NEK11: variants seen among roughly 807,000 people sequenced by gnomAD.
The protein encoded by NEK11 is NIMA related kinase 11, also known as serine/threonine-protein kinase Nek11.
NEK11 carries 72 observed loss-of-function variants against 80.7 expected under a neutral mutation model. That is an observed-to-expected ratio of 0.89 (90% CI 0.74 to 1.08). The LOEUF is 1.08. Ranked by LOEUF, NEK11 falls within the 50% of genes least tolerant of loss-of-function variation. NEK11 has a pLI of 0.00. For synonymous variants in NEK11, 251 were observed against 260.7 expected (o/e 0.96, Z 0.36); for missense variants, 764 against 763.6 (o/e 1.00, Z -0.01).
Position 131,349,663 on chromosome 3 carries a change from G to GAA in NEK11, c.1829_1830dup (p.Val611LysfsTer23). 3.1e-6 allele frequency: 5 copies of GAA among 1,614,130 alleles called. No homozygotes were observed. Among genetic ancestry groups the GAA allele is most frequent in the Non-Finnish European group, 4.2e-6 (5 of 1,179,996 alleles). ...CGAAGCAGAGATCCGCGAGTGTTTG[G>GAA]AAAAAGTGGTGCCTCAAGCCAGCGA... On this transcript the variant is annotated frameshift_variant, in exon 18 of 18. Coordinates refer to ENST00000383366, the MANE Select transcript of NEK11 (RefSeq NM_024800.5). LOFTEE classifies it low-confidence loss of function (END_TRUNC).
At chr3:131,301,097 C>T (rs2096656141) in intron 17 of NEK11, among the ~76,000 whole-genome samples, 1 of 151,984 alleles carries the variant, frequency 6.6e-6, no homozygotes, top group South Asian at 2.1e-4. Context: ...ATTTTCACTC[C>T]CTGGTTAACT....
chr3:131,139,099 T>C (rs1384831741), intron 7 of NEK11, among the ~76,000 whole-genome samples: 1 of 151,974 alleles, frequency 6.6e-6, no homozygotes, highest in African/African-American at 2.4e-5. Context: ...GAATTCATAA[T>C]AGCTGTTTTG....
chr3:131,026,899 C>A lies in NEK11; in HGVS notation c.-277C>A, dbSNP rs1157480344. 6.6e-6 allele frequency: 1 copy of A among 152,246 alleles called. No homozygotes were observed. The highest frequency in any genetic ancestry group is 1.5e-5 in the Non-Finnish European group (1 of 68,090). The allele number at this position is 152,246 out of a possible 1,614,324, so 9.4% of individuals were successfully genotyped here. On this transcript the variant is annotated 5_prime_UTR_variant, in exon 1 of 18. Transcript: ENST00000383366. Reference sequence around the variant, plus strand: ...GCCACGGTTCCAAACAGCCGTGGCCCGCGGTGTCTGGCGCTCGGTGGGTGT... The same window carrying A: ...GCCACGGTTCCAAACAGCCGTGGCCAGCGGTGTCTGGCGCTCGGTGGGTGT...
intron 12 of NEK11, among the ~76,000 whole-genome samples, chr3:131,167,123 A>G (rs938041529): frequency 1.3e-5 from 2 of 152,210 alleles, no homozygotes; most frequent in African/African-American, 4.8e-5. Context: ...TCCTCTGCTA[A>G]TTCATATGCT....
intron 3 of NEK11, among the ~76,000 whole-genome samples, chr3:131,045,068 A>G (rs959363033): frequency 2.8e-4 from 42 of 152,218 alleles, no homozygotes; most frequent in Admixed American, 2.7e-3. Context: ...CTTTGAAATG[A>G]AGGAGAGCAA....
intron 16 of NEK11, among the ~76,000 whole-genome samples, chr3:131,269,306 A>T (rs1475815682): frequency 2.0e-5 from 3 of 152,200 alleles, no homozygotes; most frequent in African/African-American, 7.2e-5. Flanking sequence ...TCCAGGTGCC[A>T]CTGGAGTATG....
At chr3:131,239,587 G>C (rs1460080548) in intron 15 of NEK11, among the ~76,000 whole-genome samples, 1 of 152,150 alleles carries the variant, frequency 6.6e-6, no homozygotes, top group Non-Finnish European at 1.5e-5. Context: ...CTCTAGATAT[G>C]CCTTCGGGAG....
chr3:131,237,679 T>A (rs993267648), intron 15 of NEK11, among the ~76,000 whole-genome samples: 4 of 152,050 alleles, frequency 2.6e-5, no homozygotes, highest in Admixed American at 6.6e-5. Context: ...GGGAGTAGGG[T>A]TAGGAGTCTC....
chr3:131,037,667 G>T (rs1463919737), intron 3 of NEK11, among the ~76,000 whole-genome samples: 2 of 152,186 alleles, frequency 1.3e-5, no homozygotes, highest in African/African-American at 2.4e-5. Flanking sequence ...TGTAATTTCT[G>T]CCATTTAATA....
In NEK11 at chr3:131,350,420, A is replaced by C. The variant is rs1402850698; in HGVS notation, c.*644A>C. On this transcript the variant is annotated 3_prime_UTR_variant, in exon 18 of 18. Coordinates refer to ENST00000383366, the MANE Select transcript of NEK11 (RefSeq NM_024800.5). ...CAAGATTTGTATTCAAAATAAACATAGTTTTCACAGTTACAAAATAAATCA... is the reference window on the plus strand; with the variant it reads ...CAAGATTTGTATTCAAAATAAACATCGTTTTCACAGTTACAAAATAAATCA... 1 of 152,264 alleles carries C rather than the reference A, an allele frequency of 6.6e-6. No individual in the cohort carries two copies. Among genetic ancestry groups the C allele is most frequent in the Non-Finnish European group, 1.5e-5 (1 of 68,072 alleles). 9.4% of individuals were successfully genotyped at this position (152,264 alleles called of 1,614,324 possible). A position where few individuals can be genotyped will look rare whatever the true frequency, so the allele number is the denominator to read the frequency against.
chr3:131,275,185 G>A (rs2096273277), intron 17 of NEK11, among the ~76,000 whole-genome samples: 1 of 152,044 alleles, frequency 6.6e-6, no homozygotes, highest in East Asian at 1.9e-4. Context: ...TCCCTCTGTA[G>A]AGGGAAACTA....
intron 3 of NEK11, among the ~76,000 whole-genome samples, chr3:131,058,139 A>T (rs2069990411): frequency 6.6e-6 from 1 of 152,318 alleles, no homozygotes; most frequent in African/African-American, 2.4e-5. Flanking sequence ...CATTTATTAA[A>T]TAGGGAATCC....
intron 14 of NEK11, among the ~76,000 whole-genome samples, chr3:131,176,110 G>C (rs1220102007): frequency 6.6e-6 from 1 of 152,126 alleles, no homozygotes; most frequent in Non-Finnish European, 1.5e-5. Context: ...TTTATAGTTG[G>C]GGGTGGAGGT....
In NEK11 at chr3:131,109,903, T is replaced by C; in HGVS notation, c.437T>C (p.Val146Ala). The stretch of plus-strand genomic sequence containing the variant: ...TGGTTTATCCAGCTGCTGCTGGGAG[T>C]TGACTACATGCATGAGAGGTATGTT... ...IEWFIQLLLGVDYMHERRILH... is the reference protein window; with the variant it reads ...IEWFIQLLLGADYMHERRILH... Residue 146 changes from valine (V) to alanine (A), a missense_variant, in exon 5 of 18, where the codon GTT (valine) becomes GCT (alanine). Val to Ala is a moderately conservative substitution (Grantham distance 64). Transcript: ENST00000383366. 1 of 1,599,992 alleles carries C rather than the reference T, an allele frequency of 6.3e-7. No individual in the cohort carries two copies.
chr3:131,102,522 G>A (rs1256928090), intron 4 of NEK11, among the ~76,000 whole-genome samples: 2 of 152,166 alleles, frequency 1.3e-5, no homozygotes, highest in African/African-American at 4.8e-5. Context: ...CTTCTGGCTT[G>A]TAAGGTTTCC....
At chr3:131,282,253 T>C (rs2096406932) in intron 17 of NEK11, among the ~76,000 whole-genome samples, 1 of 147,244 alleles carries the variant, frequency 6.8e-6, no homozygotes, top group Admixed American at 6.6e-5. Flanking sequence ...AGATTATTAA[T>C]GCCTAGAGAT....
chr3:131,203,785 A>G (rs1412485587), intron 14 of NEK11, among the ~76,000 whole-genome samples: 424 of 6,804 alleles, frequency 0.062, 15 homozygotes, highest in African/African-American at 0.14. Context: ...ATATATATAT[A>G]TATATATATA....
chr3:131,337,942 A>G (rs924963619), intron 17 of NEK11, among the ~76,000 whole-genome samples: 1 of 151,966 alleles, frequency 6.6e-6, no homozygotes, highest in East Asian at 1.9e-4. Context: ...CTTGGCATAA[A>G]TTTTTTTTCT....
intron 4 of NEK11, among the ~76,000 whole-genome samples, chr3:131,097,711 C>T (rs577198571): frequency 3.3e-5 from 5 of 150,916 alleles, no homozygotes; most frequent in African/African-American, 9.7e-5. Flanking sequence ...GAATCAATAT[C>T]GTGAAAATGG....
Sources: gnomAD v4.1 joint callset for allele counts (sites outside exome capture counted in the v4.1 genomes callset) on GRCh38, gnomAD v4.1.1 for gene constraint, MANE v1.5 for transcripts, NCBI Gene and HGNC (gene_info 2026-07-23, HGNC 2026-07-21) for gene names.